Variants in ZFP62 observed in about 807,000 individuals in gnomAD.
The protein encoded by ZFP62 is ZFP62 zinc finger protein.
In ZFP62, 44 loss-of-function variants were observed where a neutral mutation model predicts 56.4. The ratio of observed to expected loss-of-function variants is 0.78; its 90% CI spans 0.61 to 1.00. ZFP62 has a LOEUF of 1.00. Ranked by LOEUF, ZFP62 falls within the 50% of genes least tolerant of loss-of-function variation. ZFP62 has a pLI of 0.00. For synonymous variants in ZFP62, 421 were observed against 388.9 expected (o/e 1.08, Z -0.97); for missense variants, 1,030 against 1,085.7 (o/e 0.95, Z 0.72).
At chr5:180,841,481 G>GGGGCTGT in the ZFP62 span, among the ~76,000 whole-genome samples, 142 of 152,214 alleles carry the variant, frequency 9.3e-4, no homozygotes, top group Middle Eastern at 3.4e-3. Context: ...AATACAAAGA[G>GGGGCTGT]GGGCTGTGGG....
chr5:180,849,266 G>C lies in ZFP62; in HGVS notation c.2229C>G (p.Leu743=). 6.4e-7 allele frequency: 1 copy of C among 1,554,316 alleles called. No homozygotes were observed. The part of the protein sequence containing the change: ...ECGKSFSYSS[L]LSQHKRIHTG... The stretch of plus-strand genomic sequence containing the variant: ...TGTGGATCCTCTTGTGCTGAGAAAG[G>C]AGAGAGCTGTAACTGAAAGATTTCC... Residue 743 remains leucine (L), a synonymous_variant, in exon 2 of 2, where the codon CTC becomes CTG. Coordinates refer to ENST00000502412, the MANE Select transcript of ZFP62 (RefSeq NM_001172638.2).
At chr5:180,846,298 G>A (rs1299750677), downstream of ZFP62, among the ~76,000 whole-genome samples, 2 of 152,176 alleles carry the variant, frequency 1.3e-5, no homozygotes, top group Non-Finnish European at 2.9e-5. Flanking sequence ...ATCCCCACCT[G>A]AGCTGTGGCC....
At chr5:180,851,917 CT>C (rs1391582141) in intron 1 of ZFP62, 33 of 715,596 alleles carry the variant, frequency 4.6e-5, no homozygotes, top group South Asian at 6.2e-5. Context: ...TTAGGTAAAA[CT>C]TTTTTTTATT....
downstream of ZFP62, among the ~76,000 whole-genome samples, chr5:180,847,261 C>T (rs1773436722): frequency 6.6e-6 from 1 of 152,186 alleles, no homozygotes; most frequent in African/African-American, 2.4e-5. Flanking sequence ...TCTATTTTTA[C>T]CCTTTGAGTT....
At chr5:180,839,033 A>C in the ZFP62 span, among the ~76,000 whole-genome samples, 1 of 151,694 alleles carries the variant, frequency 6.6e-6, no homozygotes, top group Non-Finnish European at 1.5e-5. Flanking sequence ...GGGTTAAGTA[A>C]AGTATGGTAT....
chr5:180,832,266 C>T, the ZFP62 span, among the ~76,000 whole-genome samples: 5 of 152,200 alleles, frequency 3.3e-5, no homozygotes, highest in Non-Finnish European at 7.3e-5. Context: ...GAACCTTCCA[C>T]CTCAGCCTCC....
the ZFP62 span, among the ~76,000 whole-genome samples, chr5:180,840,425 A>G: frequency 6.6e-6 from 1 of 152,208 alleles, no homozygotes; most frequent in Admixed American, 6.5e-5. Flanking sequence ...GTGTGGGTAG[A>G]GATGAGAATC....
In ZFP62 at chr5:180,849,160, G is replaced by A. The variant is rs1367123015; in HGVS notation, c.2335C>T (p.His779Tyr). 2 of 1,563,986 alleles carry A rather than the reference G, an allele frequency of 1.3e-6. No individual in the cohort carries two copies. Among genetic ancestry groups the A allele is most frequent in the Admixed American group, 1.9e-5 (1 of 52,168 alleles). ...CATTCATAGGGTTTCTCACCTGTGT[G>A]GATCCTTTTATGCACTGTGAGGCCT... is the stretch of plus-strand genomic sequence containing the variant. Reference protein sequence around the residue: ...SSGLTVHKRIHTGEKPYECDE... With the variant: ...SSGLTVHKRIYTGEKPYECDE... The change falls in exon 2 of 2, where the codon CAC becomes TAC. Residue 779 changes from histidine to tyrosine, a missense_variant. Transcript: ENST00000502412.
chr5:180,840,370 G>C, the ZFP62 span, among the ~76,000 whole-genome samples: 1 of 152,182 alleles, frequency 6.6e-6, no homozygotes, highest in African/African-American at 2.4e-5. Context: ...ATGTCAATCA[G>C]CCAGTTTCCA....
intron 1 of ZFP62, among the ~76,000 whole-genome samples, chr5:180,860,884 G>C (rs1028004631): frequency 6.6e-6 from 1 of 152,156 alleles, no homozygotes; most frequent in Non-Finnish European, 1.5e-5. Context: ...CCAAAACAGG[G>C]ATGAATAGTT....
At chr5:180,828,338 TCA>T in the ZFP62 span, among the ~76,000 whole-genome samples, 1 of 152,082 alleles carries the variant, frequency 6.6e-6, no homozygotes, top group African/African-American at 2.4e-5. Context: ...GTGACTCAGA[TCA>T]CTCAGGAGAG....
At chr5:180,830,437 G>C in the ZFP62 span, 1 of 152,530 alleles carries the variant, frequency 6.6e-6, no homozygotes, top group Non-Finnish European at 1.5e-5. Context: ...GGGCACAAGA[G>C]GGGAGTAGGT....
chr5:180,857,992 C>T (rs1774077907), intron 1 of ZFP62, among the ~76,000 whole-genome samples: 1 of 151,328 alleles, frequency 6.6e-6, no homozygotes, highest in South Asian at 2.1e-4. Flanking sequence ...GTGGCTCACG[C>T]CTATAAGCCC....
rs752245910 is a variant in ZFP62, at chr5:180,850,271, G to A, written c.1224C>T (p.Leu408=). Residue 408 remains leucine, a synonymous_variant, in exon 2 of 2, where the codon CTC becomes CTT. Transcript: ENST00000502412. ...CGKAFSYSSG[L]AVHKSIHPGK... is the part of the protein sequence containing the mutation. ...CAGGGTGAATGCTTTTATGGACTGCGAGGCCTGAGCTATAGCTGAATGCTT... is the reference window on the plus strand; with the variant it reads ...CAGGGTGAATGCTTTTATGGACTGCAAGGCCTGAGCTATAGCTGAATGCTT... 31 of 1,556,020 alleles carry A rather than the reference G, an allele frequency of 2.0e-5. No individual in the cohort carries two copies. Among genetic ancestry groups the A allele is most frequent in the African/African-American group, 1.1e-4 (8 of 73,144 alleles).
At position 180,851,253 on chromosome 5, in the gene ZFP62, A is replaced by G. The variant is rs563545184; in HGVS notation, c.242T>C (p.Ile81Thr). ...AISKAKSTAN[I>T]KTEQEGEASE... The stretch of plus-strand genomic sequence containing the variant: ...TGCCTCACCTTCCTGTTCTGTCTTT[A>G]TATTTGCTGTACTCTTGGCTTTGCT... The change falls in exon 2 of 2, where the codon ATA (isoleucine) becomes ACA (threonine). Residue 81 changes from isoleucine (I) to threonine (T), a missense_variant. Coordinates refer to ENST00000502412, the MANE Select transcript of ZFP62 (RefSeq NM_001172638.2). The G allele has an allele frequency of 1.3e-6, 2 of 1,551,492 alleles. No homozygotes were observed. Among genetic ancestry groups the G allele is most frequent in the South Asian group, 1.2e-5 (1 of 84,042 alleles).
chr5:180,848,911 G>A lies in ZFP62; in HGVS notation c.2584C>T (p.His862Tyr). The A allele has an allele frequency of 6.4e-7, 1 of 1,551,654 alleles. No individual in the cohort carries two copies. The highest frequency in any genetic ancestry group is 8.7e-7 in the Non-Finnish European group (1 of 1,146,996). The change falls in exon 2 of 2, where the codon CAT becomes TAT. Residue 862 changes from histidine to tyrosine, a missense_variant. Physicochemically the swap from His to Tyr is moderately conservative, Grantham distance 83. Coordinates refer to ENST00000502412, the MANE Select transcript of ZFP62 (RefSeq NM_001172638.2). ...ACATTTAAAGATTCCTCTCCAGTAT[G>A]GGTTCTTTTATGCTTGGTGAGATTT... ...RSNLTKHKRT[H>Y]TGEESLNVIY...
At chr5:180,841,133 C>G in the ZFP62 span, among the ~76,000 whole-genome samples, 2 of 151,812 alleles carry the variant, frequency 1.3e-5, no homozygotes, top group African/African-American at 4.8e-5. Flanking sequence ...TAACTATTAG[C>G]AAATAGCTAA....
rs1488933070 is a variant in ZFP62 at position 180,860,694 on chromosome 5, A to AAG, written c.1+524_1+525insCT. 1.3e-5 allele frequency: 2 copies of AAG among 151,146 alleles called. 1 individual carries two copies. Among genetic ancestry groups the AAG allele is most frequent in the Non-Finnish European group, 2.9e-5 (2 of 67,854 alleles). 9.4% of individuals were successfully genotyped at this position (151,146 alleles called of 1,614,324 possible). A position where few individuals can be genotyped will look rare whatever the true frequency, so the allele number is the denominator to read the frequency against. On this transcript the variant is annotated intron_variant, in intron 1 of 1. Coordinates refer to ENST00000502412, the MANE Select transcript of ZFP62 (RefSeq NM_001172638.2). The stretch of plus-strand genomic sequence containing the variant: ...TATCATCATCACTCACCGACCAAAA[A>AAG]AAAAAAAGAAAAAAAGGTGGTGGGG...
At chr5:180,858,349 A>C (rs913131554) in intron 1 of ZFP62, among the ~76,000 whole-genome samples, 11 of 151,940 alleles carry the variant, frequency 7.2e-5, no homozygotes, top group African/African-American at 2.7e-4. Flanking sequence ...TCATGCCTGT[A>C]ATCTCAGCAC....
Sources: gnomAD v4.1 joint callset for allele counts (sites outside exome capture counted in the v4.1 genomes callset) on GRCh38, gnomAD v4.1.1 for gene constraint, MANE v1.5 for transcripts, NCBI Gene and HGNC (gene_info 2026-07-23, HGNC 2026-07-21) for gene names.